Variants in SLC9C2 observed in about 807,000 individuals in gnomAD.
SLC9C2 encodes the protein solute carrier family 9 member C2 (putative).
In SLC9C2, 75 loss-of-function variants were observed where a neutral mutation model predicts 140.2. The observed-to-expected ratio is 0.53, with a 90% CI of 0.44 to 0.65. SLC9C2 has a LOEUF of 0.65. SLC9C2 is among the 30% of genes least tolerant of loss of function. The pLI, the probability that SLC9C2 is intolerant of heterozygous loss-of-function variation, is 0.00. For missense variants in SLC9C2, 1,074 were observed against 1,331.8 expected (o/e 0.81, Z 3.01); for synonymous variants, 375 against 420.9 (o/e 0.89, Z 1.34).
intron 23 of SLC9C2, among the ~76,000 whole-genome samples, chr1:173,511,029 CTTTTTTTTTTTT>C (rs71111066): frequency 1.2e-5 from 1 of 86,738 alleles, no homozygotes; most frequent in Non-Finnish European, 2.0e-5. Flanking sequence ...CTTTCTTTTC[CTTTTTTTTTTTT>C]TTTTTTTTTT....
At chr1:173,522,914 T>C (rs553926080) in intron 21 of SLC9C2, among the ~76,000 whole-genome samples, 123 of 152,284 alleles carry the variant, frequency 8.1e-4, no homozygotes, top group African/African-American at 2.7e-3. Flanking sequence ...CTTTCACATC[T>C]CTCTTCAAAT....
At chr1:173,524,516 C>A (rs1463807832) in intron 20 of SLC9C2, among the ~76,000 whole-genome samples, 1 of 152,174 alleles carries the variant, frequency 6.6e-6, no homozygotes, top group African/African-American at 2.4e-5. Context: ...AAGTACTCTG[C>A]GTCCTTTTGA....
At chr1:173,537,998 T>A (rs1662101085) in intron 13 of SLC9C2, among the ~76,000 whole-genome samples, 1 of 152,150 alleles carries the variant, frequency 6.6e-6, no homozygotes, top group Non-Finnish European at 1.5e-5. Flanking sequence ...TTTTCTCAAG[T>A]CTTAAAATTT....
At position 173,560,249 on chromosome 1, in the gene SLC9C2, A is replaced by C. The variant is rs143216378; in HGVS notation, c.1047-2741T>G. ...AAACACTTTAATATATTGCAGGAAC[A>C]CCACTCCTTTTATAGTGGATATTGT... is the stretch of plus-strand genomic sequence containing the variant. On this transcript the variant is annotated intron_variant, in intron 9 of 27. Transcript: ENST00000367714. Among the ~76,000 whole-genome samples the C allele has an allele frequency of 3.3e-3, 499 of 152,362 alleles. 2 individuals carry two copies. Among genetic ancestry groups the C allele is most frequent in the African/African-American group, 0.011 (463 of 41,594 alleles).
At chr1:173,519,537 T>C (rs746304309) in intron 22 of SLC9C2, among the ~76,000 whole-genome samples, 20 of 152,220 alleles carry the variant, frequency 1.3e-4, no homozygotes, top group Non-Finnish European at 2.8e-4. Context: ...ATCAAAAAAG[T>C]ACTAATATAA....
chr1:173,586,714 A>T (rs1333954867), intron 5 of SLC9C2, among the ~76,000 whole-genome samples: 1 of 152,232 alleles, frequency 6.6e-6, no homozygotes, highest in Non-Finnish European at 1.5e-5. Flanking sequence ...AAGGAATGAG[A>T]TCATGTCCTT....
intron 18 of SLC9C2, among the ~76,000 whole-genome samples, chr1:173,528,922 A>G (rs567442212): frequency 1.3e-5 from 2 of 152,350 alleles, no homozygotes; most frequent in East Asian, 3.9e-4. Flanking sequence ...AACACAATGA[A>G]TAGGAGAGTG....
At chr1:173,563,587 G>A (rs891835090) in intron 9 of SLC9C2, among the ~76,000 whole-genome samples, 1 of 152,190 alleles carries the variant, frequency 6.6e-6, no homozygotes, top group East Asian at 1.9e-4. Context: ...TGGGTACAGA[G>A]TAGGTGTGTG....
intron 19 of SLC9C2, 143 bp from the exon 20 acceptor site, chr1:173,525,070 G>T (rs1661102711): frequency 1.1e-6 from 1 of 921,882 alleles, no homozygotes; most frequent in Non-Finnish European, 1.5e-6. Flanking sequence ...AGGTCAGCAG[G>T]CAAAGAGTTA....
At chr1:173,591,637 CT>C (rs1245132541) in intron 4 of SLC9C2, among the ~76,000 whole-genome samples, 1 of 152,090 alleles carries the variant, frequency 6.6e-6, no homozygotes, top group East Asian at 1.9e-4. Context: ...TGATGTTGAG[CT>C]TTTTTTCATA....
rs1471468801 is a variant in SLC9C2 at position 173,597,336 on chromosome 1, TG to T, written c.357+567del. 2.6e-5 allele frequency among the ~76,000 whole-genome samples: 4 copies of T among 151,966 alleles called. No homozygotes were observed. In the South Asian group the frequency reaches 6.2e-4, roughly 24 times the overall value. On this transcript the variant is annotated intron_variant, in intron 4 of 27. Coordinates refer to ENST00000367714, the MANE Select transcript of SLC9C2 (RefSeq NM_178527.4). ...TGAGTACACTAAAAACCAAAACATG[TG>T]GGATACCACTAAAAAGAAAATTTAA... is the stretch of plus-strand genomic sequence containing the variant.
intron 5 of SLC9C2, among the ~76,000 whole-genome samples, chr1:173,584,617 A>G (rs961475097): frequency 2.0e-5 from 3 of 152,048 alleles, no homozygotes; most frequent in African/African-American, 7.2e-5. Context: ...ATTGGTTTTA[A>G]GGAATTTGCT....
chr1:173,592,453 A>G (rs1250608428), intron 4 of SLC9C2, among the ~76,000 whole-genome samples: 1 of 152,112 alleles, frequency 6.6e-6, no homozygotes, highest in Non-Finnish European at 1.5e-5. Context: ...TGCTTTGGGT[A>G]GCCATTTTAA....
chr1:173,601,857 T>TACAG lies in SLC9C2; in HGVS notation c.-79-3_-79-2insCTGT. The TACAG allele has an allele frequency of 6.6e-7, 1 of 1,507,150 alleles. No homozygotes were observed. The highest frequency in any genetic ancestry group is 9.0e-7 in the Non-Finnish European group (1 of 1,111,924). The allele number at this position is 1,507,150 out of a possible 1,614,324, so 93.4% of individuals were successfully genotyped here. ...ACACTTTCACTTCTGCATGCTAACC[T>TACAG]GTATAGCATGCAAAAAGAACATGAG... On this transcript the variant is annotated splice_region_variant and splice_polypyrimidine_tract_variant and intron_variant, in intron 1 of 27. Transcript: ENST00000367714.
At chr1:173,530,141 C>T in intron 17 of SLC9C2, 87 bp from the exon 18 acceptor site, 1 of 1,223,918 alleles carries the variant, frequency 8.2e-7, no homozygotes, top group Non-Finnish European at 1.1e-6. Context: ...AGTGTCATCT[C>T]CAGACCAGCA....
chr1:173,510,056 C>T (rs1369581477), intron 23 of SLC9C2, among the ~76,000 whole-genome samples: 4 of 152,100 alleles, frequency 2.6e-5, no homozygotes, highest in African/African-American at 9.7e-5. Context: ...TGAGCTCATT[C>T]ACAGTATTTG....
At chr1:173,570,962 A>T (rs1664807236) in intron 9 of SLC9C2, among the ~76,000 whole-genome samples, 1 of 152,098 alleles carries the variant, frequency 6.6e-6, no homozygotes. Context: ...TACCCTCTTT[A>T]GTGCCTCTTT....
intron 20 of SLC9C2, 144 bp downstream of exon 20, chr1:173,524,635 G>A: frequency 1.2e-6 from 1 of 844,842 alleles, no homozygotes; most frequent in Non-Finnish European, 1.8e-6. Flanking sequence ...GGCATTCGTT[G>A]TCCTTTGCAT....
At chr1:173,596,394 A>G (rs1007216336) in intron 4 of SLC9C2, 1 of 152,148 alleles carries the variant, frequency 6.6e-6, no homozygotes, top group Non-Finnish European at 1.5e-5. Flanking sequence ...TCTCACCAAC[A>G]ATGTATGCAA....
Sources: allele counts gnomAD v4.1 joint callset (sites outside exome capture counted in the v4.1 genomes callset), GRCh38; gene constraint gnomAD v4.1.1; transcripts MANE v1.5; gene names NCBI Gene and HGNC (gene_info 2026-07-23, HGNC 2026-07-21).